Variants in CNTNAP5 observed in about 807,000 individuals in gnomAD.
The protein encoded by CNTNAP5 is contactin associated protein family member 5.
Under a neutral mutation model 150.2 loss-of-function variants are expected in CNTNAP5, and 72 were observed. The ratio of observed to expected loss-of-function variants is 0.48; its 90% confidence interval spans 0.40 to 0.58. The LOEUF is 0.58. Among genes scored for constraint, CNTNAP5 ranks in the 20% least tolerant of loss-of-function variants. The pLI is 0.00. For missense variants in CNTNAP5, 1,636 were observed against 1,626.2 expected, an observed-to-expected ratio of 1.01 and a Z score of -0.10; for synonymous variants, 672 against 619.8, an observed-to-expected ratio of 1.08 and a Z score of -1.25.
chr2:124,490,531 A>G (rs1052139569), intron 7 of CNTNAP5, among the ~76,000 whole-genome samples: 10 of 152,250 alleles, frequency 6.6e-5, no homozygotes, highest in African/African-American at 2.4e-4. Context: ...AGATCAGTAT[A>G]TAAGAGTTCT....
chr2:124,060,755 G>A (rs1681988387), intron 1 of CNTNAP5, among the ~76,000 whole-genome samples: 1 of 152,152 alleles, frequency 6.6e-6, no homozygotes, highest in Non-Finnish European at 1.5e-5. Flanking sequence ...ATAAAATGGG[G>A]CTTTCTAGTC....
rs184532574 is a variant in CNTNAP5, at chr2:124,873,174, G to A, written c.3436+3412G>A. ...ATGGCAGGAGACAAAGGAGGAGCAG[G>A]CATGTCACATGGTCAGAGCAGGAAG... On this transcript the variant is annotated intron_variant, in intron 21 of 23. Transcript: ENST00000682447. 2.8e-3 allele frequency among the ~76,000 whole-genome samples: 433 copies of A among 152,186 alleles called. 3 individuals are homozygous for A. Among genetic ancestry groups the A allele is most frequent in the Non-Finnish European group, 4.9e-3 (330 of 67,990 alleles).
intron 1 of CNTNAP5, among the ~76,000 whole-genome samples, chr2:124,136,871 G>A (rs1228378165): frequency 2.6e-5 from 4 of 152,152 alleles, no homozygotes; most frequent in Admixed American, 6.5e-5. Context: ...AAAGCAACAT[G>A]CTCCCCCTTC....
intron 1 of CNTNAP5, among the ~76,000 whole-genome samples, chr2:124,108,721 A>C (rs145767134): frequency 3.3e-5 from 5 of 152,326 alleles, no homozygotes; most frequent in African/African-American, 1.2e-4. Context: ...ACAGCAAGAT[A>C]ATTTTAGCCA....
rs185716849 is a variant in CNTNAP5 at position 124,534,422 on chromosome 2, G to A, written c.1649+6966G>A. Among the ~76,000 whole-genome samples the A allele has an allele frequency of 1.3e-3, 200 of 152,294 alleles. 1 individual carries two copies. Among genetic ancestry groups the A allele is most frequent in the African/African-American group, 4.6e-3 (190 of 41,558 alleles). ...TTTCTTGATTATATGCTAAACAAGA[G>A]GTAGATTATTCATGAGTTTTTCAGG... On this transcript the variant is annotated intron_variant, in intron 10 of 23. Transcript: ENST00000682447.
intron 1 of CNTNAP5, among the ~76,000 whole-genome samples, chr2:124,213,571 C>G (rs543643352): frequency 2.6e-5 from 4 of 152,246 alleles, no homozygotes; most frequent in African/African-American, 9.6e-5. Context: ...ATTTGCACAT[C>G]ATTAGCTCAT....
Position 124,701,371 on chromosome 2 carries a change from G to A in CNTNAP5, c.2078-45858G>A, listed in dbSNP as rs555462426. Among the ~76,000 whole-genome samples the A allele has an allele frequency of 3.3e-5, 5 of 152,140 alleles. No individual in the cohort carries two copies. In the South Asian group the frequency reaches 1.0e-3, roughly 32 times the overall value. ...TGGCAAGATCTCACTCAGTTTTAGG[G>A]CTGAATAATATTCCATTGTATATAT... On this transcript the variant is annotated intron_variant, in intron 13 of 23. Transcript: ENST00000682447.
intron 3 of CNTNAP5, among the ~76,000 whole-genome samples, chr2:124,410,082 T>G (rs1691707763): frequency 6.6e-6 from 1 of 152,132 alleles, no homozygotes; most frequent in South Asian, 2.1e-4. Flanking sequence ...GTTGCCATCC[T>G]AGTCTCTGAT....
rs115529048 is a variant in CNTNAP5 at position 124,185,061 on chromosome 2, G to T, written c.83-36644G>T. Among the ~76,000 whole-genome samples the T allele has an allele frequency of 8.2e-3, 1,242 of 152,262 alleles. 17 individuals are homozygous for T. The highest frequency in any genetic ancestry group is 0.028 in the African/African-American group (1,143 of 41,550). ...CTTCTATCTACATCACAATGGCTTT[G>T]CAGTCAGGAAACAGTTATCATTAAC... On this transcript the variant is annotated intron_variant, in intron 1 of 23. Transcript: ENST00000682447.
intron 19 of CNTNAP5, among the ~76,000 whole-genome samples, chr2:124,838,292 A>T (rs1225663411): frequency 1.3e-5 from 2 of 152,118 alleles, no homozygotes; most frequent in Non-Finnish European, 2.9e-5. Flanking sequence ...CTAGAAGACC[A>T]TTAGATTTTT....
At chr2:124,123,351 G>C (rs1416394718) in intron 1 of CNTNAP5, among the ~76,000 whole-genome samples, 1 of 152,170 alleles carries the variant, frequency 6.6e-6, no homozygotes, top group Non-Finnish European at 1.5e-5. Flanking sequence ...CAGCGAGGCT[G>C]GGGGAGGGGC....
At chr2:124,708,651 T>G (rs1243752782) in intron 13 of CNTNAP5, among the ~76,000 whole-genome samples, 1 of 152,188 alleles carries the variant, frequency 6.6e-6, no homozygotes, top group African/African-American at 2.4e-5. Context: ...GAGCTGCAGT[T>G]CTGGAATTCC....
chr2:124,377,600 G>A (rs1383395648), intron 3 of CNTNAP5, among the ~76,000 whole-genome samples: 5 of 151,768 alleles, frequency 3.3e-5, no homozygotes, highest in African/African-American at 7.2e-5. Context: ...TCTTGAACCC[G>A]GAAGGTGGAG....
intron 13 of CNTNAP5, among the ~76,000 whole-genome samples, chr2:124,680,378 T>G (rs1227035147): frequency 6.6e-6 from 1 of 151,896 alleles, no homozygotes; most frequent in Admixed American, 6.7e-5. Context: ...GTGAGTACCA[T>G]GTCAAGGAAA....
chr2:124,634,354 C>G (rs1456559225), intron 12 of CNTNAP5, among the ~76,000 whole-genome samples: 2 of 152,194 alleles, frequency 1.3e-5, no homozygotes, highest in Non-Finnish European at 2.9e-5. Context: ...AATCATCACT[C>G]TCAAATTCAA....
chr2:124,713,381 T>C (rs1398907311), intron 13 of CNTNAP5, among the ~76,000 whole-genome samples: 2 of 140,376 alleles, frequency 1.4e-5, no homozygotes, highest in African/African-American at 2.7e-5. Context: ...CTTTCTTTCT[T>C]CTCCCTCTTT....
chr2:124,203,164 G>A (rs543505316), intron 1 of CNTNAP5, among the ~76,000 whole-genome samples: 1 of 152,178 alleles, frequency 6.6e-6, no homozygotes, highest in Admixed American at 6.5e-5. Context: ...CAAAACGAAG[G>A]GGTTACAGGC....
intron 1 of CNTNAP5, among the ~76,000 whole-genome samples, chr2:124,172,811 ATG>A (rs1351256886): frequency 6.7e-6 from 1 of 150,310 alleles, no homozygotes; most frequent in Admixed American, 6.6e-5. Flanking sequence ...GTACATGTGT[ATG>A]TGTGTGTGCA....
intron 3 of CNTNAP5, among the ~76,000 whole-genome samples, chr2:124,400,519 C>G (rs865790412): frequency 1.7e-4 from 26 of 152,264 alleles, no homozygotes; most frequent in African/African-American, 5.8e-4. Flanking sequence ...TAGCTCTGGG[C>G]CTGGCCCTTG....
Sources: gnomAD v4.1 joint callset for allele counts (sites outside exome capture counted in the v4.1 genomes callset) on GRCh38, gnomAD v4.1.1 for gene constraint, MANE v1.5 for transcripts, NCBI Gene and HGNC (gene_info 2026-07-23, HGNC 2026-07-21) for gene names.